Variants in HS3ST3B1 observed in about 807,000 individuals in gnomAD.
HS3ST3B1 encodes the protein heparan sulfate glucosamine 3-O-sulfotransferase 3B1.
A neutral mutation model predicts 21.3 loss-of-function variants in HS3ST3B1; 13 were observed. The observed-to-expected ratio is 0.61, with a 90% CI of 0.40 to 0.97. The LOEUF (loss-of-function observed/expected upper bound fraction) is 0.97. Ranked by LOEUF, HS3ST3B1 falls within the 50% of genes least tolerant of loss-of-function variation. The probability of loss-of-function intolerance (pLI) is 0.00; values close to 1 mark genes in which losing one functional copy is unlikely to be tolerated. For synonymous variants in HS3ST3B1, 234 were observed against 254.8 expected, an observed-to-expected ratio of 0.92 and a Z score of 0.78; for missense variants, 459 against 554.8, an observed-to-expected ratio of 0.83 and a Z score of 1.73.
At chr17:14,336,214 C>T (rs1390835969) in intron 1 of HS3ST3B1, among the ~76,000 whole-genome samples, 4 of 152,118 alleles carry the variant, frequency 2.6e-5, no homozygotes, top group East Asian at 1.9e-4. Context: ...ATCTGTTTTA[C>T]GTAAATTTCC....
chr17:14,345,827 G>A lies in HS3ST3B1; in HGVS notation c.*181G>A. 1.3e-6 allele frequency: 1 copy of A among 783,916 alleles called. No individual in the cohort carries two copies. Among genetic ancestry groups the A allele is most frequent in the Non-Finnish European group, 1.9e-6 (1 of 521,210 alleles). The allele number at this position is 783,916 out of a possible 1,614,324, so 48.6% of individuals were successfully genotyped here. The stretch of plus-strand genomic sequence containing the variant: ...CTTCATAATCTGTTAACATTCCAAA[G>A]TGTTTAACTCTAGTATTTCGTTCTC... On this transcript the variant is annotated 3_prime_UTR_variant, in exon 2 of 2. Coordinates refer to ENST00000360954, the MANE Select transcript of HS3ST3B1 (RefSeq NM_006041.3).
intron 1 of HS3ST3B1, among the ~76,000 whole-genome samples, chr17:14,325,135 G>A (rs977386953): frequency 2.0e-5 from 3 of 152,204 alleles, no homozygotes; most frequent in Non-Finnish European, 4.4e-5. Flanking sequence ...AACCATGACT[G>A]TTCTTGGTAT....
At chr17:14,318,435 A>T (rs966600173) in intron 1 of HS3ST3B1, among the ~76,000 whole-genome samples, 3 of 152,228 alleles carry the variant, frequency 2.0e-5, no homozygotes, top group African/African-American at 7.2e-5. Flanking sequence ...AATTGCAAGC[A>T]GTCTAAAGAA....
intron 1 of HS3ST3B1, among the ~76,000 whole-genome samples, chr17:14,313,606 T>C (rs1909404020): frequency 6.6e-6 from 1 of 152,222 alleles, no homozygotes; most frequent in Admixed American, 6.5e-5. Context: ...GTTTCGCTCT[T>C]GTTGCCCAGG....
chr17:14,306,491 A>T (rs1326623307), intron 1 of HS3ST3B1, among the ~76,000 whole-genome samples: 5 of 152,268 alleles, frequency 3.3e-5, no homozygotes, highest in African/African-American at 1.2e-4. Context: ...ACTTGTACTG[A>T]TTAACCAGCA....
At chr17:14,325,721 G>A (rs557662848) in intron 1 of HS3ST3B1, among the ~76,000 whole-genome samples, 2 of 152,206 alleles carry the variant, frequency 1.3e-5, no homozygotes, top group African/African-American at 4.8e-5. Flanking sequence ...GTAGGCTCGC[G>A]GAGTTTATAA....
At position 14,344,896 on chromosome 17, in the gene HS3ST3B1, A is replaced by G. The variant is rs1364260224; in HGVS notation, c.555-132A>G. 32 of 1,339,566 alleles carry G rather than the reference A, an allele frequency of 2.4e-5. No homozygotes were observed. The South Asian group carries it at 2.9e-4, about 12-fold the overall frequency. 83.0% of individuals were successfully genotyped at this position (1,339,566 alleles called of 1,614,324 possible). A position where few individuals can be genotyped will look rare whatever the true frequency, so the allele number is the denominator to read the frequency against. ...ATCTACCTTTCAGCTCTAAAGTTCT[A>G]CTTGCATTTTACATGTTTCTACCAC... On this transcript the variant is annotated intron_variant, in intron 1 of 1. Transcript: ENST00000360954.
intron 1 of HS3ST3B1, among the ~76,000 whole-genome samples, chr17:14,329,722 C>T (rs1909947900): frequency 6.6e-6 from 1 of 152,036 alleles, no homozygotes; most frequent in African/African-American, 2.4e-5. Context: ...AAGGAGGGCA[C>T]CAAAAATGGA....
Position 14,347,084 on chromosome 17 carries a change from G to A in HS3ST3B1, c.*1438G>A, listed in dbSNP as rs1910603174. On this transcript the variant is annotated 3_prime_UTR_variant, in exon 2 of 2. Transcript: ENST00000360954. The stretch of plus-strand genomic sequence containing the variant: ...TCATCTCAGAATTATATCTTAGAGT[G>A]ATAATATGGGTGGTAGCCAGTGGCC... 6.6e-6 allele frequency: 1 copy of A among 152,222 alleles called. No individual in the cohort carries two copies. The highest frequency in any genetic ancestry group is 6.5e-5 in the Admixed American group (1 of 15,286). 9.4% of individuals were successfully genotyped at this position (152,222 alleles called of 1,614,324 possible).
chr17:14,337,210 T>C (rs1454560448), intron 1 of HS3ST3B1, among the ~76,000 whole-genome samples: 1 of 152,204 alleles, frequency 6.6e-6, no homozygotes, highest in Non-Finnish European at 1.5e-5. Context: ...TGGACTTATC[T>C]TTCTTCTAGT....
intron 1 of HS3ST3B1, among the ~76,000 whole-genome samples, chr17:14,312,899 G>A (rs1237240589): frequency 7.6e-6 from 1 of 131,956 alleles, no homozygotes; most frequent in Non-Finnish European, 1.6e-5. Flanking sequence ...GAGTGAAAAT[G>A]TCTTTTTTTT....
In HS3ST3B1 at chr17:14,347,884, C is replaced by T. The variant is rs774360934; in HGVS notation, c.*2238C>T. On this transcript the variant is annotated 3_prime_UTR_variant, in exon 2 of 2. Transcript: ENST00000360954. ...ACTTAGGGGAATACCAGAATCATAG[C>T]GTGGTTCTGCCTTCTTGATGAGTGA... The T allele has an allele frequency of 6.6e-6, 1 of 152,170 alleles. No individual in the cohort carries two copies. Among genetic ancestry groups the T allele is most frequent in the Non-Finnish European group, 1.5e-5 (1 of 68,030 alleles). The allele number at this position is 152,170 out of a possible 1,614,324, so 9.4% of individuals were successfully genotyped here. A position where few individuals can be genotyped will look rare whatever the true frequency, so the allele number is the denominator to read the frequency against.
intron 1 of HS3ST3B1, among the ~76,000 whole-genome samples, chr17:14,310,604 C>A (rs1909275550): frequency 6.6e-6 from 1 of 152,172 alleles, no homozygotes; most frequent in Admixed American, 6.5e-5. Flanking sequence ...TACAATCTCC[C>A]TGGGGAGAGA....
chr17:14,337,428 A>G (rs1694699238), intron 1 of HS3ST3B1, among the ~76,000 whole-genome samples: 1 of 151,120 alleles, frequency 6.6e-6, no homozygotes, highest in African/African-American at 2.4e-5. Flanking sequence ...CCCAGGTTCA[A>G]GTGACTCTCC....
intron 1 of HS3ST3B1, among the ~76,000 whole-genome samples, chr17:14,336,208 G>C (rs1056694884): frequency 6.6e-6 from 1 of 152,134 alleles, no homozygotes; most frequent in African/African-American, 2.4e-5. Context: ...TCCATCATCT[G>C]TTTTACGTAA....
chr17:14,315,415 T>G (rs938162107), intron 1 of HS3ST3B1, among the ~76,000 whole-genome samples: 1 of 152,192 alleles, frequency 6.6e-6, no homozygotes, highest in Non-Finnish European at 1.5e-5. Flanking sequence ...TCAAATTACT[T>G]ATAATAGTTT....
At chr17:14,315,516 G>T (rs561366621) in intron 1 of HS3ST3B1, among the ~76,000 whole-genome samples, 1 of 152,126 alleles carries the variant, frequency 6.6e-6, no homozygotes, top group Admixed American at 6.6e-5. Context: ...GCTATTCCAC[G>T]TTTCTTTGAG....
intron 1 of HS3ST3B1, among the ~76,000 whole-genome samples, chr17:14,339,682 C>T (rs925676008): frequency 5.9e-5 from 9 of 152,128 alleles, no homozygotes; most frequent in Non-Finnish European, 1.0e-4. Flanking sequence ...AGCTCCAGGG[C>T]GCTATATAAT....
chr17:14,313,108 GTA>G lies in HS3ST3B1; in HGVS notation c.554+11050_554+11051del, dbSNP rs1555548199. 9.5e-4 allele frequency among the ~76,000 whole-genome samples: 70 copies of G among 73,688 alleles called. 3 individuals carry two copies. The highest frequency in any genetic ancestry group is 2.1e-3 in the South Asian group (4 of 1,890). 48.3% of individuals were successfully genotyped at this position (73,688 alleles called of 152,430 possible). A position where few individuals can be genotyped will look rare whatever the true frequency, so the allele number is the denominator to read the frequency against. On this transcript the variant is annotated intron_variant, in intron 1 of 1. Coordinates refer to ENST00000360954, the MANE Select transcript of HS3ST3B1 (RefSeq NM_006041.3). Reference sequence around the variant, plus strand: ...GTGTGTGTGTGGTGTGTGTGTGTGTGTATATATATATATATGTGTGTGTGTGT... The same window carrying G: ...GTGTGTGTGTGGTGTGTGTGTGTGTGTATATATATATATGTGTGTGTGTGT...
Sources: allele counts gnomAD v4.1 joint callset (sites outside exome capture counted in the v4.1 genomes callset), GRCh38; gene constraint gnomAD v4.1.1; transcripts MANE v1.5; gene names NCBI Gene and HGNC (gene_info 2026-07-23, HGNC 2026-07-21).